GALNTL6: variants seen among roughly 807,000 people sequenced by gnomAD.
GALNTL6 encodes the protein polypeptide N-acetylgalactosaminyltransferase-like 6.
In GALNTL6, 46 loss-of-function variants were observed where a neutral mutation model predicts 73.7. The observed-to-expected ratio is 0.62, with a 90% CI of 0.49 to 0.80. The LOEUF is 0.80. GALNTL6 is among the 30% of genes least tolerant of loss of function. The pLI, the probability that GALNTL6 is intolerant of heterozygous loss-of-function variation, is 0.00. For synonymous variants in GALNTL6, 259 were observed against 263.7 expected, an observed-to-expected ratio of 0.98 and a Z score of 0.17; for missense variants, 604 against 755.0, an observed-to-expected ratio of 0.80 and a Z score of 2.34.
At chr4:172,333,691 A>G (rs1741210879) in intron 4 of GALNTL6, among the ~76,000 whole-genome samples, 1 of 152,134 alleles carries the variant, frequency 6.6e-6, no homozygotes, top group African/African-American at 2.4e-5. Context: ...GTGGTTTAAT[A>G]TAGTCCCTCT....
At chr4:171,868,072 A>C (rs546922942) in intron 2 of GALNTL6, among the ~76,000 whole-genome samples, 2 of 149,990 alleles carry the variant, frequency 1.3e-5, no homozygotes, top group Non-Finnish European at 3.0e-5. Context: ...CTGCAGCCTC[A>C]AACTCCTGGT....
intron 5 of GALNTL6, among the ~76,000 whole-genome samples, chr4:172,517,317 A>G (rs1434892592): frequency 1.3e-5 from 2 of 151,958 alleles, no homozygotes; most frequent in Admixed American, 6.6e-5. Context: ...CCATGCATTC[A>G]AACTGGATAC....
chr4:172,710,127 T>C lies in GALNTL6; in HGVS notation c.554-99234T>C, dbSNP rs1351065081. Reference sequence around the variant, plus strand: ...AACTCATACATTTGGTGATAAACTTTTCTAAGACAATTTATATTGTTGGCA... The same window carrying C: ...AACTCATACATTTGGTGATAAACTTCTCTAAGACAATTTATATTGTTGGCA... On this transcript the variant is annotated intron_variant, in intron 5 of 12. Coordinates refer to ENST00000506823, the MANE Select transcript of GALNTL6 (RefSeq NM_001034845.3). 2.0e-5 allele frequency among the ~76,000 whole-genome samples: 3 copies of C among 152,152 alleles called. No individual in the cohort carries two copies. In the East Asian group the frequency reaches 5.8e-4, roughly 29 times the overall value.
chr4:172,457,513 G>A, intron 5 of GALNTL6, among the ~76,000 whole-genome samples: 1 of 152,120 alleles, frequency 6.6e-6, no homozygotes, highest in East Asian at 1.9e-4. Context: ...AAGGGATGGA[G>A]GAATATTTAC....
intron 9 of GALNTL6, among the ~76,000 whole-genome samples, chr4:172,947,816 G>A (rs528046882): frequency 4.1e-4 from 62 of 152,070 alleles, no homozygotes; most frequent in Non-Finnish European, 6.3e-4. Flanking sequence ...TGTGGTATGC[G>A]TGCTCCTATA....
chr4:172,107,338 C>T (rs1222067048), intron 2 of GALNTL6, among the ~76,000 whole-genome samples: 2 of 152,094 alleles, frequency 1.3e-5, no homozygotes, highest in Non-Finnish European at 2.9e-5. Context: ...ATTATTCCTC[C>T]AGTTCCTGTG....
At chr4:172,447,020 A>G (rs1335128618) in intron 5 of GALNTL6, among the ~76,000 whole-genome samples, 2 of 152,192 alleles carry the variant, frequency 1.3e-5, no homozygotes, top group East Asian at 3.8e-4. Context: ...CTGGTAACCC[A>G]AAGATTAGTG....
At chr4:172,943,007 G>A (rs1206602340) in intron 9 of GALNTL6, among the ~76,000 whole-genome samples, 1 of 151,742 alleles carries the variant, frequency 6.6e-6, no homozygotes, top group Non-Finnish European at 1.5e-5. Flanking sequence ...AGCATACTCT[G>A]ACCCTCACAC....
At chr4:172,242,663 G>A (rs1737485714) in intron 3 of GALNTL6, among the ~76,000 whole-genome samples, 1 of 152,098 alleles carries the variant, frequency 6.6e-6, no homozygotes, top group African/African-American at 2.4e-5. Context: ...ATAATGGTAG[G>A]TTTGAATATC....
chr4:172,147,298 C>G (rs1375283824), intron 2 of GALNTL6, among the ~76,000 whole-genome samples: 1 of 152,144 alleles, frequency 6.6e-6, no homozygotes, highest in Non-Finnish European at 1.5e-5. Context: ...CATAAAGGAA[C>G]AATACCCCAT....
chr4:172,086,085 G>A (rs1732024622), intron 2 of GALNTL6, among the ~76,000 whole-genome samples: 1 of 152,032 alleles, frequency 6.6e-6, no homozygotes, highest in Non-Finnish European at 1.5e-5. Context: ...ATAGAAAAAA[G>A]CATTAATATT....
chr4:171,940,332 C>G (rs1738491695), intron 2 of GALNTL6, among the ~76,000 whole-genome samples: 1 of 147,282 alleles, frequency 6.8e-6, no homozygotes, highest in Admixed American at 6.6e-5. Flanking sequence ...ATGTTGTATT[C>G]TTATTTGGGG....
At chr4:172,416,404 A>G (rs2111352802) in intron 5 of GALNTL6, among the ~76,000 whole-genome samples, 1 of 152,356 alleles carries the variant, frequency 6.6e-6, no homozygotes, top group Middle Eastern at 3.4e-3. Context: ...ACATAAAAAT[A>G]GTGCAGTAAG....
At chr4:172,912,005 T>C (rs1463487624) in intron 8 of GALNTL6, among the ~76,000 whole-genome samples, 1 of 152,214 alleles carries the variant, frequency 6.6e-6, no homozygotes, top group East Asian at 1.9e-4. Context: ...TTTTTCTGGT[T>C]GCCATTTTCC....
At chr4:171,929,014 T>C (rs1738083515) in intron 2 of GALNTL6, among the ~76,000 whole-genome samples, 2 of 152,202 alleles carry the variant, frequency 1.3e-5, no homozygotes, top group Admixed American at 6.5e-5. Flanking sequence ...TAATCACATA[T>C]TTTTATGAAA....
chr4:172,123,447 A>T (rs963625677), intron 2 of GALNTL6, among the ~76,000 whole-genome samples: 2 of 151,836 alleles, frequency 1.3e-5, no homozygotes, highest in African/African-American at 4.8e-5. Context: ...GTTTTCTTAA[A>T]TTTGGAAAAT....
chr4:171,907,565 C>T (rs1027596420), intron 2 of GALNTL6, among the ~76,000 whole-genome samples: 2 of 151,980 alleles, frequency 1.3e-5, no homozygotes, highest in Non-Finnish European at 2.9e-5. Flanking sequence ...AATGGCCATA[C>T]TGTCCAAGGT....
chr4:172,817,825 A>G (rs1354796836), intron 7 of GALNTL6, among the ~76,000 whole-genome samples: 1 of 152,348 alleles, frequency 6.6e-6, no homozygotes, highest in Middle Eastern at 3.4e-3. Flanking sequence ...CTCAAAAGAT[A>G]GTCGTTTCTG....
At chr4:172,607,488 C>A (rs115750811) in intron 5 of GALNTL6, among the ~76,000 whole-genome samples, 4,664 of 152,166 alleles carry the variant, frequency 0.031, 110 homozygotes, top group South Asian at 0.086. Context: ...CTTTTTATGG[C>A]TGTGTAGTAT....
Sources: gnomAD v4.1 joint callset for allele counts (sites outside exome capture counted in the v4.1 genomes callset) on GRCh38, gnomAD v4.1.1 for gene constraint, MANE v1.5 for transcripts, NCBI Gene and HGNC (gene_info 2026-07-23, HGNC 2026-07-21) for gene names.